Variants in NCOA2 observed in about 807,000 individuals in gnomAD.
NCOA2 encodes class E basic helix-loop-helix protein 75.
NCOA2 carries 21 observed loss-of-function variants against 145.1 expected under a neutral mutation model. The ratio of observed to expected loss-of-function variants is 0.14; its 90% CI spans 0.10 to 0.21. The LOEUF is 0.21. Among genes scored for constraint, NCOA2 ranks in the 10% least tolerant of loss-of-function variants. The pLI is 1.00. For missense variants in NCOA2, 1,472 were observed against 1,837.6 expected (o/e 0.80, Z 3.64); for synonymous variants, 619 against 637.5 (o/e 0.97, Z 0.44).
At chr8:70,349,874 T>C (rs1231967183) in intron 1 of NCOA2, among the ~76,000 whole-genome samples, 1 of 152,048 alleles carries the variant, frequency 6.6e-6, no homozygotes, top group Non-Finnish European at 1.5e-5. Flanking sequence ...AATTAAGATA[T>C]TTATCTTAAA....
chr8:70,344,911 T>C (rs752080232), intron 1 of NCOA2, among the ~76,000 whole-genome samples: 71 of 152,234 alleles, frequency 4.7e-4, no homozygotes, highest in Non-Finnish European at 1.8e-4. Context: ...GTGGTGTTCA[T>C]GTTAACATAC....
intron 4 of NCOA2, among the ~76,000 whole-genome samples, chr8:70,211,001 G>A (rs1318651271): frequency 6.6e-6 from 1 of 152,196 alleles, no homozygotes; most frequent in Non-Finnish European, 1.5e-5. Context: ...GGGATCAGTT[G>A]GGGTTGGGGG....
intron 1 of NCOA2, among the ~76,000 whole-genome samples, chr8:70,362,851 G>T (rs1442455819): frequency 6.6e-6 from 1 of 152,072 alleles, no homozygotes; most frequent in Non-Finnish European, 1.5e-5. Flanking sequence ...GCCAAGGTGG[G>T]AGGACTGTTT....
At chr8:70,269,856 G>C (rs1027740860) in intron 2 of NCOA2, among the ~76,000 whole-genome samples, 6 of 152,166 alleles carry the variant, frequency 3.9e-5, no homozygotes, top group African/African-American at 1.2e-4. Flanking sequence ...TAGGTTATCA[G>C]AGATTTTAAA....
chr8:70,307,743 T>C (rs1828004861), intron 1 of NCOA2, among the ~76,000 whole-genome samples: 1 of 152,240 alleles, frequency 6.6e-6, no homozygotes, highest in African/African-American at 2.4e-5. Flanking sequence ...CAGTACATGC[T>C]GAACTCAATG....
intron 1 of NCOA2, among the ~76,000 whole-genome samples, chr8:70,378,187 AC>A (rs1179795470): frequency 6.6e-6 from 1 of 152,208 alleles, no homozygotes; most frequent in East Asian, 1.9e-4. Context: ...AGTGGCTCAC[AC>A]CTAGAATTCT....
intron 1 of NCOA2, among the ~76,000 whole-genome samples, chr8:70,389,901 G>T (rs775558307): frequency 6.6e-6 from 1 of 151,836 alleles, no homozygotes; most frequent in African/African-American, 2.4e-5. Context: ...CCTGACCTCA[G>T]GTGATCTGCC....
intron 4 of NCOA2, among the ~76,000 whole-genome samples, chr8:70,175,343 CTT>C (rs1370820770): frequency 6.6e-6 from 1 of 152,234 alleles, no homozygotes; most frequent in East Asian, 1.9e-4. Context: ...TGCCTGGACT[CTT>C]TTACTGTTCC....
intron 14 of NCOA2, among the ~76,000 whole-genome samples, chr8:70,140,732 G>C (rs899010404): frequency 7.9e-5 from 12 of 151,154 alleles, no homozygotes; most frequent in African/African-American, 2.9e-4. Flanking sequence ...GAGTAGCTGG[G>C]GTTACAGGTG....
chr8:70,201,307 A>G (rs1347709609), intron 4 of NCOA2, among the ~76,000 whole-genome samples: 1 of 152,134 alleles, frequency 6.6e-6, no homozygotes, highest in Admixed American at 6.5e-5. Context: ...CAAAATATGA[A>G]CCAGAATCTG....
chr8:70,170,337 C>T lies in NCOA2; in HGVS notation c.406G>A (p.Val136Ile), dbSNP rs1460104680. Residue 136 changes from valine (V) to isoleucine (I), a missense_variant, in exon 6 of 23, where the codon GTT (valine) becomes ATT (isoleucine). Around this residue, in one of 4 missense-constraint regions of NCOA2, gnomAD observed 284 missense variants for 467.8 expected, o/e 0.61. Transcript: ENST00000452400. ...FFFVVNLEGN[V>I]VFVSENVTQY... is the part of the protein sequence containing the mutation. The stretch of plus-strand genomic sequence containing the variant: ...GTCACATTCTCTGACACAAACACAA[C>T]GTTGCCTTCCAGGTTCACTACAAAG... The T allele has an allele frequency of 2.2e-5, 35 of 1,603,206 alleles. No homozygotes were observed. The highest frequency in any genetic ancestry group is 2.6e-5 in the Non-Finnish European group (30 of 1,174,588).
At chr8:70,233,068 T>C (rs1398903199) in intron 2 of NCOA2, among the ~76,000 whole-genome samples, 4 of 147,146 alleles carry the variant, frequency 2.7e-5, no homozygotes, top group Middle Eastern at 3.2e-3. Flanking sequence ...CTACTAAAAA[T>C]ACAAAAATTA....
intron 13 of NCOA2, among the ~76,000 whole-genome samples, chr8:70,141,750 A>T (rs1466611359): frequency 6.6e-6 from 1 of 152,158 alleles, no homozygotes; most frequent in Non-Finnish European, 1.5e-5. Context: ...TACTTTCCAA[A>T]AGGGAGGTAG....
intron 1 of NCOA2, among the ~76,000 whole-genome samples, chr8:70,342,717 T>A (rs1248454723): frequency 6.6e-6 from 1 of 151,500 alleles, no homozygotes; most frequent in African/African-American, 2.4e-5. Context: ...TACCTTTTTT[T>A]TTTTTAAAAA....
intron 1 of NCOA2, among the ~76,000 whole-genome samples, chr8:70,378,505 G>T (rs564650237): frequency 1.5e-4 from 23 of 148,394 alleles, no homozygotes; most frequent in Non-Finnish European, 1.5e-5. Context: ...CAGGGAAGGG[G>T]TCCATTTCTT....
intron 9 of NCOA2, among the ~76,000 whole-genome samples, chr8:70,160,691 G>C (rs949123965): frequency 5.4e-5 from 8 of 147,992 alleles, no homozygotes; most frequent in Non-Finnish European, 8.8e-5. Context: ...GGGAGAGAGA[G>C]AGAGAGAGAG....
At chr8:70,398,516 CA>C (rs1306123726) in intron 1 of NCOA2, among the ~76,000 whole-genome samples, 1 of 152,120 alleles carries the variant, frequency 6.6e-6, no homozygotes, top group African/African-American at 2.4e-5. Context: ...TTAAGTTGGC[CA>C]GGGGAACTCA....
chr8:70,373,462 G>A (rs997064786), intron 1 of NCOA2, among the ~76,000 whole-genome samples: 11 of 152,092 alleles, frequency 7.2e-5, no homozygotes, highest in Non-Finnish European at 7.4e-5. Context: ...AAAGACTTTT[G>A]TGTTACAAAT....
At chr8:70,330,923 A>C (rs1020609931) in intron 1 of NCOA2, among the ~76,000 whole-genome samples, 1 of 152,184 alleles carries the variant, frequency 6.6e-6, no homozygotes, top group African/African-American at 2.4e-5. Context: ...ATGCAAAGCA[A>C]ATAGATAAGG....
Sources: gnomAD v4.1 joint callset for allele counts (sites outside exome capture counted in the v4.1 genomes callset) on GRCh38, gnomAD v4.1.1 for gene constraint, gnomAD v4.1.1 regional missense constraint, MANE v1.5 for transcripts, NCBI Gene and HGNC (gene_info 2026-07-23, HGNC 2026-07-21) for gene names.